Variants in KSR2 observed in about 807,000 individuals in gnomAD.
KSR2 encodes the protein kinase suppressor of ras 2.
A neutral mutation model predicts 107.8 loss-of-function variants in KSR2; 25 were observed. The observed-to-expected ratio is 0.23, with a 90% CI of 0.17 to 0.32. The LOEUF (loss-of-function observed/expected upper bound fraction) is 0.32, where lower values mean the gene tolerates loss of function less well. Among genes scored for constraint, KSR2 ranks in the 10% least tolerant of loss-of-function variants. The pLI, the probability that KSR2 is intolerant of heterozygous loss-of-function variation, is 1.00. For synonymous variants in KSR2, 480 were observed against 507.0 expected (o/e 0.95, Z 0.71); for missense variants, 887 against 1,268.9 (o/e 0.70, Z 4.57).
chr12:117,516,644 C>T (rs1045161726), intron 14 of KSR2, among the ~76,000 whole-genome samples: 7 of 152,216 alleles, frequency 4.6e-5, no homozygotes, highest in African/African-American at 1.2e-4. Flanking sequence ...ATTCTTATCA[C>T]CATCTTGCAA....
chr12:117,545,629 C>T (rs1876804933), intron 9 of KSR2, among the ~76,000 whole-genome samples: 5 of 152,102 alleles, frequency 3.3e-5, no homozygotes, highest in African/African-American at 7.2e-5. Flanking sequence ...GTAGTGATGT[C>T]CCATCCCATT....
chr12:117,660,021 C>G (rs530299712), intron 5 of KSR2, among the ~76,000 whole-genome samples: 41 of 152,284 alleles, frequency 2.7e-4, no homozygotes, highest in Non-Finnish European at 5.9e-4. Flanking sequence ...TTCTCTCCCC[C>G]ACATCAGGCT....
chr12:117,611,163 T>C (rs1881575458), intron 5 of KSR2, among the ~76,000 whole-genome samples: 2 of 152,228 alleles, frequency 1.3e-5, no homozygotes, highest in South Asian at 4.1e-4. Context: ...TGATTCTCAT[T>C]TTTAAAAGAA....
chr12:117,495,830 G>A (rs1027720416), intron 14 of KSR2, among the ~76,000 whole-genome samples: 3 of 152,150 alleles, frequency 2.0e-5, no homozygotes, highest in Non-Finnish European at 4.4e-5. Context: ...CAAGGTGGGC[G>A]GGGTCACAAG....
chr12:117,925,856 A>G (rs747100416), intron 1 of KSR2, among the ~76,000 whole-genome samples: 5 of 152,162 alleles, frequency 3.3e-5, no homozygotes, highest in Non-Finnish European at 5.9e-5. Flanking sequence ...ACAGGGCCCA[A>G]TGTAGCCTTT....
intron 4 of KSR2, among the ~76,000 whole-genome samples, chr12:117,734,816 T>C (rs1887879140): frequency 6.6e-6 from 1 of 151,972 alleles, no homozygotes; most frequent in South Asian, 2.1e-4. Context: ...CATACAGTGG[T>C]ACAGAGTGCC....
chr12:117,545,727 C>A (rs916126581), intron 9 of KSR2, among the ~76,000 whole-genome samples: 3 of 152,056 alleles, frequency 2.0e-5, no homozygotes, highest in Admixed American at 6.6e-5. Flanking sequence ...ATTTTTCCTG[C>A]CTTCCTGTGA....
chr12:117,726,989 G>A (rs1176701130), intron 4 of KSR2, among the ~76,000 whole-genome samples: 6 of 152,136 alleles, frequency 3.9e-5, no homozygotes, highest in Non-Finnish European at 8.8e-5. Flanking sequence ...AACTGTAAAT[G>A]TGACCTCATT....
intron 3 of KSR2, among the ~76,000 whole-genome samples, chr12:117,821,656 G>A (rs901157875): frequency 7.2e-5 from 11 of 152,152 alleles, no homozygotes; most frequent in Admixed American, 7.2e-4. Flanking sequence ...GTTGTTCAAA[G>A]GCCAACTGTA....
intron 4 of KSR2, among the ~76,000 whole-genome samples, chr12:117,677,466 A>G (rs1188196779): frequency 6.6e-6 from 1 of 152,082 alleles, no homozygotes; most frequent in Non-Finnish European, 1.5e-5. Context: ...CTCAGGAGAA[A>G]CCAACCCTGC....
At chr12:117,515,780 G>A (rs1490089786) in intron 14 of KSR2, among the ~76,000 whole-genome samples, 1 of 152,136 alleles carries the variant, frequency 6.6e-6, no homozygotes, top group South Asian at 2.1e-4. Context: ...ACAAAAATTA[G>A]TTGGGTGAGG....
At chr12:117,908,954 C>A (rs942898716) in intron 1 of KSR2, among the ~76,000 whole-genome samples, 2 of 152,078 alleles carry the variant, frequency 1.3e-5, no homozygotes, top group Middle Eastern at 3.2e-3. Flanking sequence ...GACCTCTAGT[C>A]CAATCCAATT....
chr12:117,616,057 G>A (rs1369054367), intron 5 of KSR2, among the ~76,000 whole-genome samples: 1 of 151,744 alleles, frequency 6.6e-6, no homozygotes, highest in African/African-American at 2.4e-5. Context: ...GGGGGGCTGA[G>A]GTGGGAGGAG....
intron 3 of KSR2, among the ~76,000 whole-genome samples, chr12:117,818,781 A>G (rs1257148502): frequency 2.0e-5 from 3 of 152,222 alleles, no homozygotes; most frequent in Non-Finnish European, 4.4e-5. Context: ...AGTGTTCCCC[A>G]GCTGCAGGTG....
At chr12:117,571,091 C>G (rs1396133174) in intron 7 of KSR2, among the ~76,000 whole-genome samples, 1 of 152,106 alleles carries the variant, frequency 6.6e-6, no homozygotes, top group Non-Finnish European at 1.5e-5. Flanking sequence ...AACCCTGTCT[C>G]TACTAAAAAT....
At chr12:117,745,832 C>G (rs1413594979) in intron 4 of KSR2, among the ~76,000 whole-genome samples, 1 of 151,966 alleles carries the variant, frequency 6.6e-6, no homozygotes, top group Non-Finnish European at 1.5e-5. Context: ...CCATTCACAA[C>G]TGCTATAAAG....
intron 5 of KSR2, among the ~76,000 whole-genome samples, chr12:117,628,051 T>A (rs1033984692): frequency 6.6e-6 from 1 of 152,220 alleles, no homozygotes; most frequent in Admixed American, 6.5e-5. Context: ...TTCAGCTCCA[T>A]CAGGTCATTT....
At chr12:117,837,531 C>T (rs979563062) in intron 3 of KSR2, among the ~76,000 whole-genome samples, 3 of 152,012 alleles carry the variant, frequency 2.0e-5, no homozygotes, top group African/African-American at 7.2e-5. Context: ...CAGCTACGTG[C>T]CCCTAACTTT....
chr12:117,592,868 C>T (rs1035552835), intron 5 of KSR2, among the ~76,000 whole-genome samples: 1 of 152,072 alleles, frequency 6.6e-6, no homozygotes, highest in Admixed American at 6.5e-5. Flanking sequence ...GGGCACAAGA[C>T]ACATCCCATG....
Sources: allele counts gnomAD v4.1 joint callset (sites outside exome capture counted in the v4.1 genomes callset), GRCh38; gene constraint gnomAD v4.1.1; transcripts MANE v1.5; gene names NCBI Gene and HGNC (gene_info 2026-07-23, HGNC 2026-07-21).